Variants in RIMS2 observed in about 807,000 individuals in gnomAD.
RIMS2 encodes regulating synaptic membrane exocytosis 2.
In RIMS2, 59 loss-of-function variants were observed where a neutral mutation model predicts 174.4. The ratio of observed to expected loss-of-function variants is 0.34; its 90% CI spans 0.27 to 0.42. The LOEUF is 0.42. RIMS2 is among the 10% of genes least tolerant of loss of function. RIMS2 has a pLI of 1.00. For missense variants in RIMS2, 1,620 were observed against 1,666.3 expected, an observed-to-expected ratio of 0.97 and a Z score of 0.48; for synonymous variants, 606 against 572.5, an observed-to-expected ratio of 1.06 and a Z score of -0.84.
intron 19 of RIMS2, among the ~76,000 whole-genome samples, chr8:104,131,038 T>C (rs1175811657): frequency 6.6e-6 from 1 of 152,176 alleles, no homozygotes; most frequent in African/African-American, 2.4e-5. Flanking sequence ...TTTTATTCTA[T>C]AGATGAAGGA....
At chr8:104,085,309 T>C (rs1192029666) in intron 19 of RIMS2, among the ~76,000 whole-genome samples, 1 of 152,146 alleles carries the variant, frequency 6.6e-6, no homozygotes, top group African/African-American at 2.4e-5. Flanking sequence ...GGCTTGGGTT[T>C]GAACTCCAAT....
At chr8:103,689,346 T>C (rs1045934736) in intron 1 of RIMS2, among the ~76,000 whole-genome samples, 1 of 152,104 alleles carries the variant, frequency 6.6e-6, no homozygotes, top group Non-Finnish European at 1.5e-5. Flanking sequence ...TTGGATGAGA[T>C]GTTCTGTAAA....
intron 19 of RIMS2, among the ~76,000 whole-genome samples, chr8:104,186,385 A>G (rs1459570521): frequency 1.3e-5 from 2 of 151,702 alleles, no homozygotes; most frequent in African/African-American, 4.8e-5. Flanking sequence ...TAGAAAAGAA[A>G]CCTCTGAATG....
At chr8:103,579,522 CTA>C (rs2093474607) in intron 1 of RIMS2, among the ~76,000 whole-genome samples, 1 of 151,944 alleles carries the variant, frequency 6.6e-6, no homozygotes, top group South Asian at 2.1e-4. Context: ...AAGAGAAAGT[CTA>C]TGTATTTTGA....
intron 14 of RIMS2, among the ~76,000 whole-genome samples, chr8:103,954,271 C>G (rs2086399076): frequency 6.6e-6 from 1 of 152,170 alleles, no homozygotes; most frequent in Admixed American, 6.5e-5. Flanking sequence ...ATCTACAGAA[C>G]TCTCCACCCC....
At chr8:103,830,717 G>A (rs1232816064) in intron 3 of RIMS2, among the ~76,000 whole-genome samples, 1 of 152,156 alleles carries the variant, frequency 6.6e-6, no homozygotes, top group African/African-American at 2.4e-5. Flanking sequence ...AATTTTAACT[G>A]TGATTATAGA....
chr8:104,060,959 T>C (rs972583765), intron 19 of RIMS2, among the ~76,000 whole-genome samples: 12 of 152,194 alleles, frequency 7.9e-5, no homozygotes, highest in Admixed American at 7.2e-4. Flanking sequence ...CTCTGTTCTT[T>C]TACATTTGCT....
At chr8:103,593,866 A>AAT (rs1243396719) in intron 1 of RIMS2, among the ~76,000 whole-genome samples, 7 of 151,434 alleles carry the variant, frequency 4.6e-5, no homozygotes, top group East Asian at 3.9e-4. Flanking sequence ...AGTAGATAGA[A>AAT]ATATATATAT....
chr8:103,572,458 G>A (rs2092902697), intron 1 of RIMS2, among the ~76,000 whole-genome samples: 1 of 152,062 alleles, frequency 6.6e-6, no homozygotes, highest in African/African-American at 2.4e-5. Flanking sequence ...GTGCTGATTG[G>A]TGAGTTTACA....
At chr8:103,506,921 C>G (rs888907264) in intron 1 of RIMS2, among the ~76,000 whole-genome samples, 4 of 152,112 alleles carry the variant, frequency 2.6e-5, no homozygotes, top group African/African-American at 7.2e-5. Context: ...CGGCAAGATA[C>G]TGATAGTCAA....
rs956175204 is a variant in RIMS2 at position 103,638,211 on chromosome 8, C to T, written c.177-58875C>T. On this transcript the variant is annotated intron_variant, in intron 1 of 23. Transcript: ENST00000504942. ...AGGGGAGAGGAATTAAGCTCCACCA[C>T]TTGAAGAAAGGGTATAAAATAATTT... Among the ~76,000 whole-genome samples the T allele has an allele frequency of 1.3e-5, 2 of 152,040 alleles. 1 individual carries two copies. Among genetic ancestry groups the T allele is most frequent in the Non-Finnish European group, 2.9e-5 (2 of 67,938 alleles).
chr8:103,772,156 C>T (rs2098260728), intron 3 of RIMS2, among the ~76,000 whole-genome samples: 2 of 151,572 alleles, frequency 1.3e-5, no homozygotes, highest in Non-Finnish European at 1.5e-5. Flanking sequence ...AATAATAGTG[C>T]CTGGATTTAC....
intron 1 of RIMS2, among the ~76,000 whole-genome samples, chr8:103,595,371 A>G (rs1021074253): frequency 3.9e-5 from 6 of 151,912 alleles, no homozygotes; most frequent in Admixed American, 3.9e-4. Context: ...GTTACAACAC[A>G]ATTTCCAGAA....
At chr8:104,158,060 C>G (rs1447148089) in intron 19 of RIMS2, among the ~76,000 whole-genome samples, 1 of 151,936 alleles carries the variant, frequency 6.6e-6, no homozygotes, top group East Asian at 1.9e-4. Context: ...TATCCCTCCC[C>G]CAATAGGCCC....
chr8:103,931,763 TA>T (rs757406278), intron 12 of RIMS2, among the ~76,000 whole-genome samples: 33 of 152,182 alleles, frequency 2.2e-4, no homozygotes, highest in Non-Finnish European at 4.3e-4. Flanking sequence ...GTAAAAAAGC[TA>T]AAAATACTAC....
chr8:103,551,984 C>T (rs562735484), intron 1 of RIMS2, among the ~76,000 whole-genome samples: 7 of 152,272 alleles, frequency 4.6e-5, no homozygotes, highest in African/African-American at 1.7e-4. Context: ...ATTCCATGCT[C>T]ATGGATAGGA....
At chr8:103,899,409 G>A (rs1436058180) in intron 4 of RIMS2, among the ~76,000 whole-genome samples, 3 of 151,608 alleles carry the variant, frequency 2.0e-5, no homozygotes, top group Admixed American at 6.6e-5. Flanking sequence ...TTAAATGATC[G>A]CCATTCTAAC....
At chr8:103,532,177 T>A (rs1441106533) in intron 1 of RIMS2, among the ~76,000 whole-genome samples, 4 of 152,232 alleles carry the variant, frequency 2.6e-5, no homozygotes, top group African/African-American at 9.6e-5. Flanking sequence ...TACACAAATA[T>A]GATCTTCTTT....
chr8:103,882,843 T>C, intron 3 of RIMS2, among the ~76,000 whole-genome samples: 1 of 151,794 alleles, frequency 6.6e-6, no homozygotes, highest in Middle Eastern at 3.4e-3. Context: ...TAATCCCCTG[T>C]TATAAAGACT....
Sources: allele counts gnomAD v4.1 joint callset (sites outside exome capture counted in the v4.1 genomes callset), GRCh38; gene constraint gnomAD v4.1.1; transcripts MANE v1.5; gene names NCBI Gene and HGNC (gene_info 2026-07-23, HGNC 2026-07-21).